PCSK5: variants seen among roughly 807,000 people sequenced by gnomAD.
PCSK5 encodes the protein prohormone convertase 5.
In PCSK5, 129 loss-of-function variants were observed where a neutral mutation model predicts 233.2. That is an observed-to-expected ratio of 0.55 (90% CI 0.48 to 0.64). The LOEUF (loss-of-function observed/expected upper bound fraction) is 0.64, where lower values mean the gene tolerates loss of function less well. Among genes scored for constraint, PCSK5 ranks in the 30% least tolerant of loss-of-function variants. The pLI, the probability that PCSK5 is intolerant of heterozygous loss-of-function variation, is 0.00. For synonymous variants in PCSK5, 825 were observed against 879.2 expected, an observed-to-expected ratio of 0.94 and a Z score of 1.09; for missense variants, 2,076 against 2,430.1, an observed-to-expected ratio of 0.85 and a Z score of 3.06.
intron 7 of PCSK5, among the ~76,000 whole-genome samples, chr9:76,082,424 ATGAT>A (rs1388921024): frequency 5.3e-5 from 8 of 152,206 alleles, no homozygotes; most frequent in Admixed American, 6.5e-5. Flanking sequence ...GAAGTTTTCT[ATGAT>A]TGATTCTTTG....
At chr9:75,986,034 A>ACAC (rs1826498693) in intron 2 of PCSK5, 98 bp from the exon 3 acceptor site, 5 of 721,652 alleles carry the variant, frequency 6.9e-6, no homozygotes, top group African/African-American at 3.5e-5. Flanking sequence ...TTGTGACTTA[A>ACAC]ATAGCCTTGA....
chr9:75,890,670 A>G (rs1046468285), upstream of PCSK5: 1 of 153,776 alleles, frequency 6.5e-6, no homozygotes, highest in Non-Finnish European at 1.5e-5. Context: ...AGCTGCTGCC[A>G]TTGCCACTCA....
intron 3 of PCSK5, among the ~76,000 whole-genome samples, chr9:76,019,579 A>T (rs1413997027): frequency 6.6e-6 from 1 of 152,104 alleles, no homozygotes; most frequent in Non-Finnish European, 1.5e-5. Flanking sequence ...CCCACCCATA[A>T]ACCCTGCCAG....
chr9:76,223,460 T>C (rs1825792798), intron 20 of PCSK5, among the ~76,000 whole-genome samples: 1 of 152,226 alleles, frequency 6.6e-6, no homozygotes, highest in South Asian at 2.1e-4. Context: ...TTCTACAGTG[T>C]TATCAAGAGA....
intron 2 of PCSK5, among the ~76,000 whole-genome samples, 185 bp downstream of exon 2, chr9:75,932,668 T>G (rs1160188119): frequency 6.6e-6 from 1 of 152,166 alleles, no homozygotes; most frequent in Non-Finnish European, 1.5e-5. Context: ...TTTTTATTGA[T>G]CTGCCACTAT....
intron 7 of PCSK5, among the ~76,000 whole-genome samples, chr9:76,085,267 A>C (rs1374225071): frequency 6.6e-6 from 1 of 152,172 alleles, no homozygotes; most frequent in African/African-American, 2.4e-5. Context: ...CTGATTTGGC[A>C]CACCCCTGAA....
intron 10 of PCSK5, among the ~76,000 whole-genome samples, chr9:76,135,307 AT>A (rs1487873571): frequency 1.3e-5 from 2 of 152,104 alleles, no homozygotes; most frequent in Non-Finnish European, 2.9e-5. Context: ...TTACTTGTAA[AT>A]AATTTATTAT....
At chr9:76,268,254 T>C (rs1827399133) in intron 24 of PCSK5, among the ~76,000 whole-genome samples, 1 of 152,184 alleles carries the variant, frequency 6.6e-6, no homozygotes, top group African/African-American at 2.4e-5. Context: ...TCTGAGAGGG[T>C]GTTTTCCCTT....
At chr9:76,172,199 GT>G (rs1381889951) in intron 13 of PCSK5, among the ~76,000 whole-genome samples, 2 of 152,022 alleles carry the variant, frequency 1.3e-5, no homozygotes, top group African/African-American at 2.4e-5. Context: ...GCATTTGAGG[GT>G]GTTGTTTTGA....
At chr9:76,250,612 T>C (rs143632163) in intron 24 of PCSK5, among the ~76,000 whole-genome samples, 7 of 152,182 alleles carry the variant, frequency 4.6e-5, no homozygotes, top group Admixed American at 2.6e-4. Context: ...AAATACCCAA[T>C]TAATACTCAA....
chr9:76,169,857 T>C lies in PCSK5; in HGVS notation c.1756+17T>C, dbSNP rs1456416645. ...AGACTCCAGGTGAGAACTCCCTTTC[T>C]ATACATTGTTCTACTGTGTAGAAGA... On this transcript the variant is annotated intron_variant, in intron 13 of 37. Coordinates refer to ENST00000674117, the MANE Select transcript of PCSK5 (RefSeq NM_001372043.1). 4.4e-6 allele frequency: 7 copies of C among 1,607,440 alleles called. No homozygotes were observed. The highest frequency in any genetic ancestry group is 1.7e-5 in the Admixed American group (1 of 59,954).
chr9:76,024,102 G>A (rs73452544), intron 4 of PCSK5, among the ~76,000 whole-genome samples: 16 of 152,252 alleles, frequency 1.1e-4, no homozygotes, highest in African/African-American at 3.9e-4. Flanking sequence ...CTTACAAAAA[G>A]AAAGCAATAA....
intron 24 of PCSK5, among the ~76,000 whole-genome samples, chr9:76,262,628 A>C (rs1326075635): frequency 1.3e-5 from 2 of 151,318 alleles, no homozygotes; most frequent in African/African-American, 4.9e-5. Flanking sequence ...AAATCAATTC[A>C]AGATGGATTA....
chr9:75,925,064 T>TA (rs1240159986), intron 1 of PCSK5, among the ~76,000 whole-genome samples: 1 of 152,208 alleles, frequency 6.6e-6, no homozygotes, highest in African/African-American at 2.4e-5. Flanking sequence ...ACTTTTGACT[T>TA]ACTATTTTAA....
At chr9:76,271,733 G>C (rs566261608) in intron 24 of PCSK5, among the ~76,000 whole-genome samples, 3 of 152,122 alleles carry the variant, frequency 2.0e-5, no homozygotes, top group African/African-American at 7.2e-5. Context: ...TCACAGTTCT[G>C]GAGGCTGGAA....
intron 9 of PCSK5, among the ~76,000 whole-genome samples, chr9:76,111,287 T>C (rs1832203818): frequency 6.6e-6 from 1 of 152,300 alleles, no homozygotes; most frequent in African/African-American, 2.4e-5. Flanking sequence ...CTAGAAGAAT[T>C]CTCAGTTCCT....
At chr9:76,053,612 T>C (rs1045926240) in intron 5 of PCSK5, among the ~76,000 whole-genome samples, 1 of 152,222 alleles carries the variant, frequency 6.6e-6, no homozygotes, top group Admixed American at 6.5e-5. Flanking sequence ...ACAGTCTCTT[T>C]CTTAAAGCAT....
chr9:76,216,402 C>T (rs1176971386), intron 20 of PCSK5, among the ~76,000 whole-genome samples: 1 of 152,128 alleles, frequency 6.6e-6, no homozygotes, highest in Non-Finnish European at 1.5e-5. Context: ...AGAAACAATT[C>T]CTTGGGTTTA....
chr9:76,039,320 AT>A (rs1285894766), intron 5 of PCSK5, among the ~76,000 whole-genome samples: 1 of 152,240 alleles, frequency 6.6e-6, no homozygotes, highest in African/African-American at 2.4e-5. Flanking sequence ...TATCTGTGAT[AT>A]CACTTTTCCC....
Sources: gnomAD v4.1 joint callset for allele counts (sites outside exome capture counted in the v4.1 genomes callset) on GRCh38, gnomAD v4.1.1 for gene constraint, MANE v1.5 for transcripts, NCBI Gene and HGNC (gene_info 2026-07-23, HGNC 2026-07-21) for gene names.